The following HNRNPA2B1 variants were observed in gnomAD, a reference collection of about 807,000 sequenced individuals.
HNRNPA2B1 encodes heterogeneous nuclear ribonucleoproteins A2/B1.
Under a neutral mutation model 46.3 loss-of-function variants are expected in HNRNPA2B1, and 3 were observed. The ratio of observed to expected loss-of-function variants is 0.06; its 90% CI spans 0.03 to 0.17. The LOEUF is 0.17. Among genes scored for constraint, HNRNPA2B1 ranks in the 10% least tolerant of loss-of-function variants. HNRNPA2B1 has a pLI of 1.00. For synonymous variants in HNRNPA2B1, 225 were observed against 133.8 expected, an observed-to-expected ratio of 1.68 and a Z score of -4.70; for missense variants, 221 against 418.9, an observed-to-expected ratio of 0.53 and a Z score of 4.12.
chr7:26,197,131 T>G, intron 3 of HNRNPA2B1, 114 bp from the exon 4 acceptor site: 1 of 1,106,648 alleles, frequency 9.0e-7, no homozygotes, highest in Non-Finnish European at 1.3e-6. Context: ...CTACCAGATA[T>G]AAAATAGCTT....
intron 7 of HNRNPA2B1, 81 bp downstream of exon 7, chr7:26,195,766 C>T (rs757437830): frequency 7.5e-5 from 110 of 1,473,594 alleles, no homozygotes; most frequent in Non-Finnish European, 9.2e-5. Context: ...TGTTTAAAAA[C>T]TCAAAATATA....
intron 7 of HNRNPA2B1, among the ~76,000 whole-genome samples, chr7:26,194,584 C>T (rs545498996): frequency 7.3e-5 from 11 of 151,590 alleles, no homozygotes; most frequent in Admixed American, 3.3e-4. Context: ...CCCCGTAGTT[C>T]CAGCTACCCA....
At position 26,194,921 on chromosome 7, in the gene HNRNPA2B1, C is replaced by T. The variant is rs188364179; in HGVS notation, c.721+926G>A. ...CCAGCCTGACCAACATGGGGAAACC[C>T]CGTCTCTACTAAAAATACTAAAATT... On this transcript the variant is annotated intron_variant, in intron 7 of 10. Transcript: ENST00000618183. 2.5e-3 allele frequency among the ~76,000 whole-genome samples: 381 copies of T among 151,648 alleles called. 2 individuals are homozygous for T. The highest frequency in any genetic ancestry group is 0.017 in the Middle Eastern group (5 of 294).
chr7:26,193,318 A>G lies in HNRNPA2B1; in HGVS notation c.897T>C (p.Ser299=), dbSNP rs765960484. ...TTCCACTCTTCATTGGACCGTAGTT[A>G]GAAGGTTGCTGGTTATAATTTCCAA... is the stretch of plus-strand genomic sequence containing the variant. ...NDFGNYNQQP[S]NYGPMKSGNF... Residue 299 remains serine, a synonymous_variant, in exon 9 of 11, where the codon TCT becomes TCC. Coordinates refer to ENST00000618183, the MANE Select transcript of HNRNPA2B1 (RefSeq NM_002137.4). The G allele has an allele frequency of 1.9e-6, 3 of 1,612,412 alleles. No homozygotes were observed. The highest frequency in any genetic ancestry group is 2.2e-5 in the South Asian group (2 of 91,034).
intron 1 of HNRNPA2B1, chr7:26,200,307 C>A: frequency 1.9e-6 from 1 of 538,778 alleles, no homozygotes; most frequent in Non-Finnish European, 3.3e-6. Context: ...CACTTTCACC[C>A]CAGCGGGGCA....
At chr7:26,195,713 T>A in intron 7 of HNRNPA2B1, 134 bp downstream of exon 7, 1 of 921,882 alleles carries the variant, frequency 1.1e-6, no homozygotes, top group Non-Finnish European at 1.6e-6. Flanking sequence ...TAGAAATAAC[T>A]GGACCACTAT....
chr7:26,200,144 G>A, intron 1 of HNRNPA2B1: 1 of 209,938 alleles, frequency 4.8e-6, no homozygotes, highest in Admixed American at 5.3e-5. Context: ...AATGGCGGCC[G>A]CCAAATCCGG....
In HNRNPA2B1 at chr7:26,197,032, G is replaced by T; in HGVS notation, c.265-15C>A. ...TTTCCAGATTCCTAAAATAGTGGTG[G>T]GGTAAAAGTCATCCAAACAGAAAAA... On this transcript the variant is annotated splice_polypyrimidine_tract_variant and intron_variant, in intron 3 of 10. Transcript: ENST00000618183. 1.3e-6 allele frequency: 2 copies of T among 1,587,952 alleles called. No homozygotes were observed. Among genetic ancestry groups the T allele is most frequent in the Non-Finnish European group, 8.6e-7 (1 of 1,161,668 alleles).
In HNRNPA2B1 at chr7:26,198,929, TCA is replaced by T. The variant is rs533880356; in HGVS notation, c.7-1199_7-1198del. The T allele has an allele frequency of 1.4e-4, 21 of 152,166 alleles. 1 individual carries two copies. Among genetic ancestry groups the T allele is most frequent in the Non-Finnish European group, 2.6e-4 (18 of 68,014 alleles). The allele number at this position is 152,166 out of a possible 1,614,324, so 9.4% of individuals were successfully genotyped here. A position where few individuals can be genotyped will look rare whatever the true frequency, so the allele number is the denominator to read the frequency against. On this transcript the variant is annotated intron_variant, in intron 1 of 10. Transcript: ENST00000618183. ...CTAAAAAGTAGTGGTAAAACCCAGT[TCA>T]GATTTTTTTCCTGTAGTTTTCATGA...
chr7:26,197,920 A>G (rs1783828614), intron 1 of HNRNPA2B1, 188 bp from the exon 2 acceptor site: 1 of 1,396,550 alleles, frequency 7.2e-7, no homozygotes, highest in Non-Finnish European at 9.8e-7. Context: ...TAAACTGCAT[A>G]TTAGTTGTGT....
rs533636446 is a variant in HNRNPA2B1 at position 26,200,706 on chromosome 7, G to C, written c.-129C>G. On this transcript the variant is annotated 5_prime_UTR_variant, in exon 1 of 11. Coordinates refer to ENST00000618183, the MANE Select transcript of HNRNPA2B1 (RefSeq NM_002137.4). ...CTGCCGCTGCTCGAGAAACAACTCT[G>C]CGAGGAGCACCTCCGCACGGGACCC... is the stretch of plus-strand genomic sequence containing the variant. 2 of 1,195,082 alleles carry C rather than the reference G, an allele frequency of 1.7e-6. No individual in the cohort carries two copies. The highest frequency in any genetic ancestry group is 2.3e-5 in the East Asian group (1 of 42,982). 74.0% of individuals were successfully genotyped at this position (1,195,082 alleles called of 1,614,324 possible). A position where few individuals can be genotyped will look rare whatever the true frequency, so the allele number is the denominator to read the frequency against.
At chr7:26,200,269 G>A (rs930405013) in intron 1 of HNRNPA2B1, 25 of 428,080 alleles carry the variant, frequency 5.8e-5, no homozygotes, top group East Asian at 5.4e-4. Flanking sequence ...GCTTTAGAAA[G>A]GGAATAAGAA....
chr7:26,195,651 T>C, intron 7 of HNRNPA2B1, 196 bp downstream of exon 7: 1 of 561,256 alleles, frequency 1.8e-6, no homozygotes, highest in Middle Eastern at 4.1e-4. Context: ...CATTTTCATT[T>C]AAAATGGCAC....
intron 1 of HNRNPA2B1, chr7:26,200,367 T>G: frequency 1.6e-6 from 1 of 634,858 alleles, no homozygotes; most frequent in South Asian, 1.8e-5. Context: ...TGAAGGGAAA[T>G]GGCGCCGGGA....
chr7:26,195,788 T>TA (rs1395126677), intron 7 of HNRNPA2B1, 59 bp downstream of exon 7: 88 of 1,555,928 alleles, frequency 5.7e-5, no homozygotes, highest in Non-Finnish European at 7.2e-5. Context: ...ATGAAGTAAA[T>TA]ATACGATATA....
Position 26,195,879 on chromosome 7 carries a change from T to C in HNRNPA2B1, c.689A>G (p.Asp230Gly). Residue 230 changes from aspartate to glycine, a missense_variant, in exon 7 of 11, where the codon GAT becomes GGT. Coordinates refer to ENST00000618183, the MANE Select transcript of HNRNPA2B1 (RefSeq NM_002137.4). The part of the protein sequence containing the change: ...DGYGSGRGFG[D>G]GYNGYGGGPG... ...TCCTCCTCCATACCCATTATAGCCA[T>C]CCCCAAATCCACGTCCACTGCCATA... 1 of 1,609,928 alleles carries C rather than the reference T, an allele frequency of 6.2e-7. No homozygotes were observed. Among genetic ancestry groups the C allele is most frequent in the Non-Finnish European group, 8.5e-7 (1 of 1,178,794 alleles).
rs1298897040 is a variant in HNRNPA2B1, at chr7:26,195,736, TTA to T, written c.721+109_721+110del. ...ACTGGACCACTATCACCCAAGCCAT[TTA>T]TAGACACTAATATAAAATGTTTAAA... On this transcript the variant is annotated intron_variant, in intron 7 of 10. Transcript: ENST00000618183. The T allele has an allele frequency of 4.1e-6, 5 of 1,231,362 alleles. No individual in the cohort carries two copies. In the East Asian group the frequency reaches 1.1e-4, roughly 27 times the overall value. 76.3% of individuals were successfully genotyped at this position (1,231,362 alleles called of 1,614,324 possible). A position where few individuals can be genotyped will look rare whatever the true frequency, so the allele number is the denominator to read the frequency against.
chr7:26,200,602 ATTT>A lies in HNRNPA2B1; in HGVS notation c.-28_-26del. 1 of 1,613,538 alleles carries A rather than the reference ATTT, an allele frequency of 6.2e-7. No individual in the cohort carries two copies. The highest frequency in any genetic ancestry group is 8.5e-7 in the Non-Finnish European group (1 of 1,179,994). On this transcript the variant is annotated 5_prime_UTR_variant, in exon 1 of 11. Transcript: ENST00000618183. ...TCGCGGACTCAGTCGCTTCAGCCCG[ATTT>A]CCCGCAGCCGAGCGAGATGAGAGAG...
chr7:26,200,517 C>A, intron 1 of HNRNPA2B1, 55 bp downstream of exon 1: 1 of 1,592,040 alleles, frequency 6.3e-7, no homozygotes, highest in Non-Finnish European at 8.6e-7. Flanking sequence ...TCCACTGAGG[C>A]GCCAACGGCC....
Sources: gnomAD v4.1 joint callset for allele counts (sites outside exome capture counted in the v4.1 genomes callset) on GRCh38, gnomAD v4.1.1 for gene constraint, MANE v1.5 for transcripts, NCBI Gene and HGNC (gene_info 2026-07-23, HGNC 2026-07-21) for gene names.